Variants in TRPM8 observed in about 807,000 individuals in gnomAD.
TRPM8 encodes TRPM8 cationic channel.
TRPM8 carries 110 observed loss-of-function variants against 133.7 expected under a neutral mutation model. The ratio of observed to expected loss-of-function variants is 0.82; its 90% CI spans 0.70 to 0.96. The LOEUF is 0.96. Among genes scored for constraint, TRPM8 ranks in the 40% least tolerant of loss-of-function variants. The probability of loss-of-function intolerance (pLI) is 0.00; values close to 1 mark genes in which losing one functional copy is unlikely to be tolerated. For synonymous variants in TRPM8, 535 were observed against 532.3 expected, an observed-to-expected ratio of 1.01 and a Z score of -0.07; for missense variants, 1,291 against 1,379.5, an observed-to-expected ratio of 0.94 and a Z score of 1.02.
intron 15 of TRPM8, among the ~76,000 whole-genome samples, chr2:233,967,362 T>C (rs138641488): frequency 1.1e-4 from 16 of 152,326 alleles, no homozygotes; most frequent in African/African-American, 3.6e-4. Flanking sequence ...CAGTTCCAGT[T>C]GTAGAAATGT....
intron 25 of TRPM8, among the ~76,000 whole-genome samples, chr2:234,016,365 A>AT (rs1406325032): frequency 1.3e-5 from 2 of 152,152 alleles, no homozygotes; most frequent in African/African-American, 4.8e-5. Context: ...ATATAAGATC[A>AT]TTTTTTTGAA....
At chr2:233,995,434 G>A (rs185615673) in intron 21 of TRPM8, among the ~76,000 whole-genome samples, 2 of 152,304 alleles carry the variant, frequency 1.3e-5, no homozygotes, top group Admixed American at 1.3e-4. Flanking sequence ...CATACTCATT[G>A]CCTCATGCTG....
At chr2:234,005,926 C>CCACACACA (rs1692682784) in intron 22 of TRPM8, among the ~76,000 whole-genome samples, 1 of 55,928 alleles carries the variant, frequency 1.8e-5, no homozygotes, top group South Asian at 5.2e-4. Context: ...GAAACGTCAT[C>CCACACACA]TACACACACA....
At chr2:233,927,920 C>G (rs7420034) in intron 2 of TRPM8, among the ~76,000 whole-genome samples, 1 of 35,642 alleles carries the variant, frequency 2.8e-5, no homozygotes, top group African/African-American at 3.1e-4. Flanking sequence ...CTCTCTCTCT[C>G]TCTTTCTCTC....
intron 3 of TRPM8, among the ~76,000 whole-genome samples, chr2:233,934,314 T>C (rs1254746966): frequency 6.6e-6 from 1 of 152,188 alleles, no homozygotes; most frequent in Non-Finnish European, 1.5e-5. Flanking sequence ...TGGTGCCTGA[T>C]CTTCCATGTC....
chr2:233,944,553 T>C (rs1000052652), intron 6 of TRPM8, among the ~76,000 whole-genome samples: 1 of 152,190 alleles, frequency 6.6e-6, no homozygotes, highest in Admixed American at 6.5e-5. Flanking sequence ...GTGCCAATCA[T>C]TTGGAAATTA....
Position 233,943,067 on chromosome 2 carries a change from CTTTTTTTTT to C in TRPM8, c.699+331_699+339del, listed in dbSNP as rs67315288. 3 of 177,740 alleles carry C rather than the reference CTTTTTTTTT, an allele frequency of 1.7e-5. No homozygotes were observed. The East Asian group carries it at 4.4e-4, about 26-fold the overall frequency. 11.0% of individuals were successfully genotyped at this position (177,740 alleles called of 1,614,324 possible). ...GCGGGCTCAAAGCCAACTGCAGTATCTTTTTTTTTTTTTTTTTTTTACACCCACTAGGAT... is the reference window on the plus strand; with the variant it reads ...GCGGGCTCAAAGCCAACTGCAGTATCTTTTTTTTTTTACACCCACTAGGAT... On this transcript the variant is annotated intron_variant, in intron 6 of 25. Transcript: ENST00000324695.
chr2:233,924,666 C>T (rs773922446), intron 1 of TRPM8, among the ~76,000 whole-genome samples: 8 of 152,188 alleles, frequency 5.3e-5, no homozygotes, highest in Non-Finnish European at 1.2e-4. Flanking sequence ...TTTGCTGCAT[C>T]TCTTAAATGG....
chr2:233,982,681 A>G (rs1182086939), intron 19 of TRPM8, among the ~76,000 whole-genome samples: 1 of 152,244 alleles, frequency 6.6e-6, no homozygotes, highest in East Asian at 1.9e-4. Context: ...CCAACAAACT[A>G]CAAAAATAAT....
chr2:233,969,818 A>G lies in TRPM8; in HGVS notation c.2138+11A>G. 6.5e-7 allele frequency: 1 copy of G among 1,540,836 alleles called. No homozygotes were observed. The highest frequency in any genetic ancestry group is 9.0e-7 in the Non-Finnish European group (1 of 1,113,366). On this transcript the variant is annotated intron_variant, in intron 16 of 25. Transcript: ENST00000324695. ...CTTTGTATCATTTAGGTACAAACCA[A>G]GGCACATAATCGTGTGTGAGTGTGT...
chr2:233,991,526 G>A (rs893524669), intron 21 of TRPM8, among the ~76,000 whole-genome samples: 9 of 152,196 alleles, frequency 5.9e-5, no homozygotes, highest in African/African-American at 2.2e-4. Context: ...GGGAAGGAGC[G>A]ACAAAGGAAA....
At chr2:233,954,636 A>G (rs942677638) in intron 10 of TRPM8, among the ~76,000 whole-genome samples, 4 of 152,230 alleles carry the variant, frequency 2.6e-5, no homozygotes, top group Admixed American at 1.3e-4. Flanking sequence ...AGCATCAGCA[A>G]TTTATTAGAA....
At chr2:233,931,104 C>A (rs1691671295) in intron 3 of TRPM8, among the ~76,000 whole-genome samples, 1 of 152,064 alleles carries the variant, frequency 6.6e-6, no homozygotes, top group Admixed American at 6.6e-5. Flanking sequence ...CTTACTGGCT[C>A]CTCCGTCAGG....
chr2:233,972,984 C>T lies in TRPM8; in HGVS notation c.2355+2558C>T, dbSNP rs891780870. On this transcript the variant is annotated intron_variant, in intron 17 of 25. Coordinates refer to ENST00000324695, the MANE Select transcript of TRPM8 (RefSeq NM_024080.5). ...GTGGGAGCCCAGGCAGAGGAGGTGC[C>T]GAGAGCAAGCGAGGGCTGTGAGGAC... Among the ~76,000 whole-genome samples the T allele has an allele frequency of 5.3e-5, 8 of 152,334 alleles. No homozygotes were observed. The East Asian group carries it at 5.8e-4, about 11-fold the overall frequency.
intron 25 of TRPM8, 101 bp from the exon 26 acceptor site, chr2:234,017,198 C>A: frequency 2.5e-6 from 1 of 406,156 alleles, no homozygotes; most frequent in Non-Finnish European, 5.0e-6. Flanking sequence ...TGGATCTATT[C>A]CCAGTATATT....
intron 4 of TRPM8, among the ~76,000 whole-genome samples, chr2:233,937,756 G>A (rs540602282): frequency 1.3e-5 from 2 of 152,272 alleles, no homozygotes; most frequent in Admixed American, 1.3e-4. Context: ...ACGCAAGGCA[G>A]GCATCCACGT....
chr2:233,942,178 C>G (rs1690924559), intron 5 of TRPM8, among the ~76,000 whole-genome samples: 1 of 145,634 alleles, frequency 6.9e-6, no homozygotes, highest in Non-Finnish European at 1.5e-5. Context: ...CTCCCGGGTT[C>G]AAGAAATTCT....
At chr2:233,980,785 C>A (rs901498739) in intron 18 of TRPM8, among the ~76,000 whole-genome samples, 2 of 152,206 alleles carry the variant, frequency 1.3e-5, no homozygotes, top group African/African-American at 4.8e-5. Flanking sequence ...ATTAGAAAAA[C>A]CAACCACAAA....
intron 6 of TRPM8, 69 bp from the exon 7 acceptor site, chr2:233,945,787 T>C (rs1027139348): frequency 2.8e-6 from 4 of 1,406,230 alleles, no homozygotes; most frequent in Admixed American, 1.9e-5. Flanking sequence ...CATATGAATA[T>C]AGAAAAATAT....
Sources: allele counts gnomAD v4.1 joint callset (sites outside exome capture counted in the v4.1 genomes callset), GRCh38; gene constraint gnomAD v4.1.1; transcripts MANE v1.5; gene names NCBI Gene and HGNC (gene_info 2026-07-23, HGNC 2026-07-21).